The following SFXN4 variants were observed in gnomAD, a reference collection of about 807,000 sequenced individuals.
SFXN4 encodes the protein sideroflexin 4.
Under a neutral mutation model 54.6 loss-of-function variants are expected in SFXN4, and 48 were observed. That is an observed-to-expected ratio of 0.88 (90% confidence interval 0.70 to 1.12). SFXN4 has a LOEUF of 1.12. Among genes scored for constraint, SFXN4 ranks in the 50% most tolerant of loss-of-function variants. The pLI is 0.00. For synonymous variants in SFXN4, 130 were observed against 145.5 expected, an observed-to-expected ratio of 0.89 and a Z score of 0.77; for missense variants, 383 against 409.2, an observed-to-expected ratio of 0.94 and a Z score of 0.55.
chr10:119,163,430 G>A (rs1264727238), intron 2 of SFXN4, among the ~76,000 whole-genome samples: 1 of 151,624 alleles, frequency 6.6e-6, no homozygotes, highest in African/African-American at 2.4e-5. Context: ...ATGGAGTTTC[G>A]CTCGTCACGC....
intron 13 of SFXN4, among the ~76,000 whole-genome samples, chr10:119,144,931 G>C (rs765374412): frequency 8.5e-5 from 13 of 152,234 alleles, no homozygotes; most frequent in South Asian, 6.2e-4. Flanking sequence ...AGTTCCACTG[G>C]AGAGGGCGTA....
At chr10:119,157,083 C>T (rs969655612) in intron 9 of SFXN4, among the ~76,000 whole-genome samples, 3 of 152,130 alleles carry the variant, frequency 2.0e-5, no homozygotes, top group Admixed American at 6.5e-5. Flanking sequence ...AAGCAATACA[C>T]AAATTATATA....
rs1270319068 is a variant in SFXN4 at position 119,157,048 on chromosome 10, C to T, written c.538-292G>A. On this transcript the variant is annotated intron_variant, in intron 9 of 13. Transcript: ENST00000355697. ...CTGATGCCAACATCTCCCCATCTTT[C>T]ACCATTACAGTGTCTTGACATCCAA... Among the ~76,000 whole-genome samples the T allele has an allele frequency of 2.0e-5, 3 of 152,314 alleles. 1 individual carries two copies. The highest frequency in any genetic ancestry group is 4.1e-4 in the South Asian group (2 of 4,824).
chr10:119,163,333 T>A (rs755477394), intron 2 of SFXN4, among the ~76,000 whole-genome samples: 19 of 152,112 alleles, frequency 1.2e-4, no homozygotes, highest in Admixed American at 3.3e-4. Context: ...TTTGATTCTC[T>A]CTGAATCCCC....
In SFXN4 at chr10:119,147,940, G is replaced by A; in HGVS notation, c.733-80C>T. 3 of 1,130,112 alleles carry A rather than the reference G, an allele frequency of 2.7e-6. No individual in the cohort carries two copies. The South Asian group carries it at 3.7e-5, about 14-fold the overall frequency. 70.0% of individuals were successfully genotyped at this position (1,130,112 alleles called of 1,614,324 possible). A position where few individuals can be genotyped will look rare whatever the true frequency, so the allele number is the denominator to read the frequency against. On this transcript the variant is annotated intron_variant, in intron 11 of 13. Transcript: ENST00000355697. ...AATCCCTGCACTTTGGGAGGCCGAG[G>A]CGGGTAGATCGCTTGAGGTCAGTAG...
intron 3 of SFXN4, 126 bp downstream of exon 3, chr10:119,162,214 A>C (rs1589649573): frequency 6.8e-6 from 5 of 735,472 alleles, no homozygotes; most frequent in Non-Finnish European, 2.3e-6. Context: ...AGTGGCTCCC[A>C]AGGGAAGGAA....
chr10:119,148,043 G>A (rs564890675), intron 11 of SFXN4, among the ~76,000 whole-genome samples, 183 bp from the exon 12 acceptor site: 53 of 152,162 alleles, frequency 3.5e-4, no homozygotes, highest in African/African-American at 1.3e-3. Context: ...GTGGTGTTAT[G>A]CACCTGTAGT....
intron 1 of SFXN4, 40 bp downstream of exon 1, chr10:119,165,497 C>T: frequency 6.5e-7 from 1 of 1,527,960 alleles, no homozygotes; most frequent in Non-Finnish European, 8.7e-7. Context: ...GCCCGGCCCG[C>T]CCCCTCCCTG....
intron 13 of SFXN4, among the ~76,000 whole-genome samples, chr10:119,142,745 T>TA (rs1460531511): frequency 1.4e-5 from 2 of 143,484 alleles, no homozygotes; most frequent in Non-Finnish European, 3.0e-5. Context: ...TTTTTTTTTT[T>TA]TTTTGATATG....
chr10:119,152,303 G>A (rs981899299), intron 11 of SFXN4, among the ~76,000 whole-genome samples: 1 of 149,902 alleles, frequency 6.7e-6, no homozygotes, highest in Admixed American at 6.6e-5. Flanking sequence ...TTTTTGAGAT[G>A]GGGTCTTGTT....
At chr10:119,146,412 A>C (rs925936118) in intron 12 of SFXN4, 59 bp from the exon 13 acceptor site, 8 of 1,039,672 alleles carry the variant, frequency 7.7e-6, no homozygotes, top group Non-Finnish European at 1.2e-5. Flanking sequence ...TTATTTTCTG[A>C]ACAGCTGAAT....
At chr10:119,153,961 T>C (rs1847176147) in intron 11 of SFXN4, among the ~76,000 whole-genome samples, 1 of 152,086 alleles carries the variant, frequency 6.6e-6, no homozygotes, top group Non-Finnish European at 1.5e-5. Context: ...GCGGAACACC[T>C]GAGGTCAGGA....
intron 13 of SFXN4, 56 bp from the exon 14 acceptor site, chr10:119,141,375 G>T: frequency 8.9e-7 from 1 of 1,127,834 alleles, no homozygotes; most frequent in Non-Finnish European, 1.3e-6. Flanking sequence ...TGCCTTAGAA[G>T]CCAAGTTAAA....
chr10:119,148,308 G>A (rs996965227), intron 11 of SFXN4, among the ~76,000 whole-genome samples: 7 of 152,074 alleles, frequency 4.6e-5, no homozygotes, highest in Admixed American at 6.6e-5. Flanking sequence ...CGCCTTCCAC[G>A]TAACTTTCCA....
chr10:119,163,640 T>A (rs905475194), intron 2 of SFXN4, among the ~76,000 whole-genome samples: 2 of 151,694 alleles, frequency 1.3e-5, no homozygotes, highest in South Asian at 4.2e-4. Flanking sequence ...TGACCTCAGG[T>A]GATCCACCCA....
rs56031432 is a variant in SFXN4 at position 119,146,428 on chromosome 10, CGT to C, written c.819-77_819-76del. On this transcript the variant is annotated intron_variant, in intron 12 of 13. Coordinates refer to ENST00000355697, the MANE Select transcript of SFXN4 (RefSeq NM_213649.2). ...TATTTTCTGAACAGCTGAATCAGGG[CGT>C]GTGTGTGTGTGTGTGTGTGTGTGTG... 0.022 allele frequency: 12,416 copies of C among 556,122 alleles called. 188 individuals are homozygous for C. The highest frequency in any genetic ancestry group is 0.076 in the African/African-American group (3,816 of 49,972). 34.4% of individuals were successfully genotyped at this position (556,122 alleles called of 1,614,324 possible).
intron 2 of SFXN4, 96 bp downstream of exon 2, chr10:119,164,035 C>G (rs570760302): frequency 1.8e-5 from 14 of 767,164 alleles, no homozygotes; most frequent in Non-Finnish European, 2.5e-5. Context: ...AACGAAACTC[C>G]GTCTCAAAAA....
At chr10:119,161,032 A>C in intron 4 of SFXN4, 23 bp downstream of exon 4, 1 of 1,614,216 alleles carries the variant, frequency 6.2e-7, no homozygotes. Flanking sequence ...GACACTAAAA[A>C]TTAGGAAGGG....
intron 13 of SFXN4, among the ~76,000 whole-genome samples, chr10:119,145,674 T>C (rs992477786): frequency 6.6e-6 from 1 of 152,162 alleles, no homozygotes; most frequent in Non-Finnish European, 1.5e-5. Context: ...ATATAAAATA[T>C]AAAATATGTG....
Sources: gnomAD v4.1 joint callset for allele counts (sites outside exome capture counted in the v4.1 genomes callset) on GRCh38, gnomAD v4.1.1 for gene constraint, MANE v1.5 for transcripts, NCBI Gene and HGNC (gene_info 2026-07-23, HGNC 2026-07-21) for gene names.